GALNT18: variants seen among roughly 807,000 people sequenced by gnomAD.
GALNT18 encodes GalNAc-transferase 18.
A neutral mutation model predicts 69.5 loss-of-function variants in GALNT18; 44 were observed. The observed-to-expected ratio is 0.63, with a 90% CI of 0.50 to 0.81. GALNT18 has a LOEUF of 0.81. GALNT18 is among the 40% of genes least tolerant of loss of function. The probability of loss-of-function intolerance (pLI) is 0.00; values close to 1 mark genes in which losing one functional copy is unlikely to be tolerated. For missense variants in GALNT18, 715 were observed against 810.0 expected (o/e 0.88, Z 1.42); for synonymous variants, 364 against 318.2 (o/e 1.14, Z -1.53).
At chr11:11,275,620 C>T (rs545991558) in intron 10 of GALNT18, among the ~76,000 whole-genome samples, 10 of 152,210 alleles carry the variant, frequency 6.6e-5, no homozygotes, top group South Asian at 4.2e-4. Flanking sequence ...GCCGATGTCC[C>T]GAATGGTACT....
intron 3 of GALNT18, among the ~76,000 whole-genome samples, chr11:11,408,670 T>A (rs1854651409): frequency 6.6e-6 from 1 of 152,138 alleles, no homozygotes; most frequent in African/African-American, 2.4e-5. Context: ...ACCTGCATCG[T>A]AGGCAGGAGG....
intron 6 of GALNT18, among the ~76,000 whole-genome samples, chr11:11,346,310 A>G (rs1420084789): frequency 6.6e-6 from 1 of 152,220 alleles, no homozygotes; most frequent in African/African-American, 2.4e-5. Context: ...AATAACTATT[A>G]TTTGAATGAG....
chr11:11,324,588 A>G (rs907798521), intron 9 of GALNT18, among the ~76,000 whole-genome samples: 2 of 152,152 alleles, frequency 1.3e-5, no homozygotes, highest in African/African-American at 2.4e-5. Flanking sequence ...TGACTTTTTA[A>G]TTAGGCCATT....
intron 1 of GALNT18, among the ~76,000 whole-genome samples, chr11:11,559,359 A>G (rs2133979825): frequency 6.6e-6 from 1 of 152,240 alleles, no homozygotes; most frequent in East Asian, 1.9e-4. Flanking sequence ...CTCTCCATCT[A>G]CTGTTTCCAT....
intron 2 of GALNT18, among the ~76,000 whole-genome samples, chr11:11,441,811 TTG>T (rs1482798874): frequency 6.6e-6 from 1 of 152,108 alleles, no homozygotes; most frequent in Non-Finnish European, 1.5e-5. Flanking sequence ...GCTACAGAAT[TTG>T]TGGGGCCCAG....
rs571421621 is a variant in GALNT18, at chr11:11,499,354, G to A, written c.236-50418C>T. Among the ~76,000 whole-genome samples, 4 of 152,360 alleles carry A rather than the reference G, an allele frequency of 2.6e-5. No individual in the cohort carries two copies. The East Asian group carries it at 7.7e-4, about 29-fold the overall frequency. On this transcript the variant is annotated intron_variant, in intron 1 of 10. Transcript: ENST00000227756. The stretch of plus-strand genomic sequence containing the variant: ...CACTGTCATGTCCTCTACTTTGTGA[G>A]TTGATTAGAAATAAAGTCTTTCCTC...
At position 11,539,678 on chromosome 11, in the gene GALNT18, T is replaced by TCAC. The variant is rs559516997; in HGVS notation, c.235+81678_235+81680dup. Among the ~76,000 whole-genome samples the TCAC allele has an allele frequency of 2.0e-3, 308 of 152,312 alleles. 3 individuals are homozygous for TCAC. Among genetic ancestry groups the TCAC allele is most frequent in the South Asian group, 0.014 (69 of 4,824 alleles). ...CGGAGGGTTCCATGCACCCCGCTTCTCACCTGCAAGCTAATGGGTCCATCT... is the reference window on the plus strand; with the variant it reads ...CGGAGGGTTCCATGCACCCCGCTTCTCACCACCTGCAAGCTAATGGGTCCATCT... On this transcript the variant is annotated intron_variant, in intron 1 of 10. Coordinates refer to ENST00000227756, the MANE Select transcript of GALNT18 (RefSeq NM_198516.3).
chr11:11,476,064 C>T (rs2242325), intron 1 of GALNT18: 103,071 of 152,054 alleles, frequency 0.68, 35,761 homozygotes, highest in Admixed American at 0.78. Context: ...ATTGCCCTTC[C>T]CTGTTCAGCC....
At chr11:11,466,760 T>C (rs1047859870) in intron 1 of GALNT18, among the ~76,000 whole-genome samples, 4 of 151,986 alleles carry the variant, frequency 2.6e-5, no homozygotes, top group African/African-American at 9.7e-5. Context: ...ATCAGAGAGG[T>C]TGGAGGACTT....
chr11:11,556,667 A>T (rs745974540), intron 1 of GALNT18, among the ~76,000 whole-genome samples: 2 of 152,248 alleles, frequency 1.3e-5, no homozygotes, highest in Non-Finnish European at 1.5e-5. Flanking sequence ...AAAATTCTGA[A>T]AACAGGAAAG....
chr11:11,441,480 G>A (rs889286697), intron 2 of GALNT18, among the ~76,000 whole-genome samples: 3 of 152,178 alleles, frequency 2.0e-5, no homozygotes, highest in Admixed American at 6.5e-5. Context: ...TGATAAAATA[G>A]TGTCCTGGAA....
At chr11:11,475,249 T>C (rs1447628837) in intron 1 of GALNT18, 1 of 152,240 alleles carries the variant, frequency 6.6e-6, no homozygotes, top group Non-Finnish European at 1.5e-5. Flanking sequence ...CAACACATCT[T>C]GTTATCACAT....
intron 6 of GALNT18, among the ~76,000 whole-genome samples, chr11:11,350,361 G>A (rs566302783): frequency 1.3e-5 from 2 of 152,290 alleles, no homozygotes; most frequent in Admixed American, 6.5e-5. Flanking sequence ...GCAAATGTGT[G>A]GTCATTGAGA....
chr11:11,436,885 C>T lies in GALNT18; in HGVS notation c.429-4098G>A, dbSNP rs1462072860. Among the ~76,000 whole-genome samples the T allele has an allele frequency of 6.6e-6, 1 of 152,200 alleles. No homozygotes were observed. The highest frequency in any genetic ancestry group is 1.5e-5 in the Non-Finnish European group (1 of 68,042). On this transcript the variant is annotated intron_variant, in intron 2 of 10. Transcript: ENST00000227756. This position sits in a 1 kb window ranked among gnomAD's most constrained non-coding sequence, Gnocchi z 4.5. ...GACTGCTCTGGACCCAAGCCCAGAG[C>T]TTTTGCTGCAGAGTCCAGCCACTTT...
intron 9 of GALNT18, among the ~76,000 whole-genome samples, chr11:11,317,604 T>C (rs1255866308): frequency 6.6e-6 from 1 of 152,224 alleles, no homozygotes; most frequent in East Asian, 1.9e-4. Flanking sequence ...CTTGTTGAGT[T>C]GTTTAAGTTC....
At chr11:11,352,582 C>T in intron 6 of GALNT18, 3 of 1,614,168 alleles carry the variant, frequency 1.9e-6, no homozygotes, top group Non-Finnish European at 2.5e-6. Flanking sequence ...TGATAAAACT[C>T]AGCCAAACCC....
At chr11:11,398,901 G>C (rs544316525) in intron 3 of GALNT18, among the ~76,000 whole-genome samples, 60 of 152,310 alleles carry the variant, frequency 3.9e-4, no homozygotes, top group African/African-American at 1.4e-3. Context: ...AGGTGCTTAA[G>C]AGAAGCTGAA....
rs113420414 is a variant in GALNT18, at chr11:11,383,855, C to T, written c.596-4591G>A. On this transcript the variant is annotated intron_variant, in intron 3 of 10. Transcript: ENST00000227756. The surrounding 1 kb of genome is among the most constrained non-coding windows in gnomAD (Gnocchi z 5.2). ...TCTCTCTCTCTGTCTCTCTCTCCCT[C>T]TCTCTCCTGCCACCTTGTGAAGAAG... is the stretch of plus-strand genomic sequence containing the variant. 0.028 allele frequency among the ~76,000 whole-genome samples: 4,221 copies of T among 152,180 alleles called. 137 individuals are homozygous for T. Among genetic ancestry groups the T allele is most frequent in the East Asian group, 0.16 (847 of 5,162 alleles).
rs1014038031 is a variant in GALNT18 at position 11,546,930 on chromosome 11, CT to C, written c.235+74428del. Among the ~76,000 whole-genome samples, 1,449 of 141,818 alleles carry C rather than the reference CT, an allele frequency of 0.01. 12 individuals are homozygous for C. Among genetic ancestry groups the C allele is most frequent in the African/African-American group, 0.024 (949 of 38,850 alleles). 93.0% of individuals were successfully genotyped at this position (141,818 alleles called of 152,430 possible). Reference sequence around the variant, plus strand: ...GGTAGGTGGATGGATATGGAATCTTCTTTTTTTTTTTTTAACTCTTGTCATT... The same window carrying C: ...GGTAGGTGGATGGATATGGAATCTTCTTTTTTTTTTTTAACTCTTGTCATT... On this transcript the variant is annotated intron_variant, in intron 1 of 10. Transcript: ENST00000227756. This position sits in a 1 kb window ranked among gnomAD's most constrained non-coding sequence, Gnocchi z 5.8.
Sources: allele counts gnomAD v4.1 joint callset (sites outside exome capture counted in the v4.1 genomes callset), GRCh38; gene constraint gnomAD v4.1.1; non-coding constraint Gnocchi (gnomAD v3.1); transcripts MANE v1.5; gene names NCBI Gene and HGNC (gene_info 2026-07-23, HGNC 2026-07-21).